STAG1: variants seen among roughly 807,000 people sequenced by gnomAD.
STAG1 encodes the protein STAG1 cohesin complex component, also known as cohesin subunit SA-1.
STAG1 carries 26 observed loss-of-function variants against 170.9 expected under a neutral mutation model. That is an observed-to-expected ratio of 0.15 (90% CI 0.11 to 0.21). The LOEUF (loss-of-function observed/expected upper bound fraction) is 0.21. Ranked by LOEUF, STAG1 falls within the 10% of genes least tolerant of loss-of-function variation. The pLI, the probability that STAG1 is intolerant of heterozygous loss-of-function variation, is 1.00. For synonymous variants in STAG1, 514 were observed against 497.7 expected (o/e 1.03, Z -0.44); for missense variants, 964 against 1,509.5 (o/e 0.64, Z 5.99).
At chr3:136,722,131 G>A (rs1380760184) in intron 1 of STAG1, among the ~76,000 whole-genome samples, 1 of 151,848 alleles carries the variant, frequency 6.6e-6, no homozygotes, top group African/African-American at 2.4e-5. Flanking sequence ...GCTGAGATGG[G>A]AGGATCACCT....
intron 2 of STAG1, among the ~76,000 whole-genome samples, chr3:136,624,946 A>C (rs1940031590): frequency 6.6e-6 from 1 of 152,244 alleles, no homozygotes; most frequent in African/African-American, 2.4e-5. Context: ...TTGAGTATTT[A>C]CTATTTTTAT....
At chr3:136,359,394 T>C (rs1362644597) in intron 26 of STAG1, 98 bp from the exon 27 acceptor site, 2 of 836,794 alleles carry the variant, frequency 2.4e-6, no homozygotes, top group African/African-American at 1.7e-5. Flanking sequence ...AGGTATAAGG[T>C]GAAATGTTTC....
At chr3:136,492,439 G>A (rs531788164) in intron 9 of STAG1, among the ~76,000 whole-genome samples, 10 of 152,304 alleles carry the variant, frequency 6.6e-5, no homozygotes, top group African/African-American at 2.4e-4. Context: ...CAGACTGACA[G>A]AAAATCATAA....
At chr3:136,520,857 T>A (rs1429423758) in intron 7 of STAG1, among the ~76,000 whole-genome samples, 1 of 152,130 alleles carries the variant, frequency 6.6e-6, no homozygotes, top group Non-Finnish European at 1.5e-5. Flanking sequence ...TAAAACAATG[T>A]AATTATGCGA....
intron 7 of STAG1, among the ~76,000 whole-genome samples, chr3:136,514,504 T>C (rs1009967809): frequency 3.3e-5 from 5 of 152,202 alleles, no homozygotes; most frequent in African/African-American, 1.2e-4. Context: ...GACAGTGTGG[T>C]GATTCCCCAG....
chr3:136,740,893 A>G (rs1934633733), intron 1 of STAG1, among the ~76,000 whole-genome samples: 1 of 152,238 alleles, frequency 6.6e-6, no homozygotes, highest in Non-Finnish European at 1.5e-5. Context: ...AGTACAATGA[A>G]GAGATAAAGC....
intron 32 of STAG1, among the ~76,000 whole-genome samples, chr3:136,339,299 C>T (rs371471050): frequency 2.0e-4 from 31 of 152,056 alleles, no homozygotes; most frequent in African/African-American, 5.8e-4. Flanking sequence ...CCCAGGTGGG[C>T]GGATCACGAG....
At chr3:136,660,103 C>A (rs1359916819) in intron 1 of STAG1, among the ~76,000 whole-genome samples, 1 of 152,202 alleles carries the variant, frequency 6.6e-6, no homozygotes, top group East Asian at 1.9e-4. Context: ...ACATACTTCA[C>A]AGATACATGA....
chr3:136,537,501 T>G (rs538437794), intron 6 of STAG1, among the ~76,000 whole-genome samples: 5 of 143,114 alleles, frequency 3.5e-5, no homozygotes, highest in Admixed American at 2.1e-4. Context: ...TTTATTTTTT[T>G]TTTGTTTTTT....
rs986831289 is a variant in STAG1, at chr3:136,338,050, T to C, written c.*204A>G. 5.4e-6 allele frequency: 3 copies of C among 556,714 alleles called. No individual in the cohort carries two copies. Among genetic ancestry groups the C allele is most frequent in the Non-Finnish European group, 9.7e-6 (3 of 310,652 alleles). The allele number at this position is 556,714 out of a possible 1,614,324, so 34.5% of individuals were successfully genotyped here. The stretch of plus-strand genomic sequence containing the variant: ...GACACAAATGATTTTCAGGTCAGTC[T>C]TTCTGAGTTGACATTCACCAACATT... On this transcript the variant is annotated 3_prime_UTR_variant, in exon 34 of 34. Coordinates refer to ENST00000383202, the MANE Select transcript of STAG1 (RefSeq NM_005862.3).
At chr3:136,591,460 C>T (rs1938175727) in intron 4 of STAG1, 1 of 293,244 alleles carries the variant, frequency 3.4e-6, no homozygotes, top group African/African-American at 2.3e-5. Context: ...GTCCCAGCTA[C>T]TCGAGAGGCT....
chr3:136,681,705 C>T (rs2107887454), intron 1 of STAG1, among the ~76,000 whole-genome samples: 1 of 152,148 alleles, frequency 6.6e-6, no homozygotes, highest in South Asian at 2.1e-4. Flanking sequence ...AACCAAATGA[C>T]ATTCATTAAT....
At chr3:136,561,763 G>T (rs1183428072) in intron 5 of STAG1, among the ~76,000 whole-genome samples, 2 of 151,836 alleles carry the variant, frequency 1.3e-5, no homozygotes, top group Non-Finnish European at 2.9e-5. Context: ...TGTCTTGACA[G>T]TGACAATGAC....
At chr3:136,484,234 T>C (rs2089952176) in intron 9 of STAG1, among the ~76,000 whole-genome samples, 1 of 152,038 alleles carries the variant, frequency 6.6e-6, no homozygotes, top group Non-Finnish European at 1.5e-5. Flanking sequence ...TCTTTGATGA[T>C]GGTGATGTAC....
intron 4 of STAG1, among the ~76,000 whole-genome samples, chr3:136,602,380 A>AC (rs1938714613): frequency 6.8e-6 from 1 of 148,058 alleles, no homozygotes; most frequent in Non-Finnish European, 1.5e-5. Flanking sequence ...TCCATCTCAA[A>AC]CAAAAAAAAA....
chr3:136,338,430 T>G lies in STAG1; in HGVS notation c.3693A>C (p.Arg1231=), dbSNP rs1459582906. ...AGTCTGGCCTTAGCTCAGCTCTCTC[T>G]CGCCGATTTCTTGATGGAGGCTGGA... ...VIDLPPSRNR[R]ERAELRPDFF... The change falls in exon 33 of 34, where the codon CGA becomes CGC. Residue 1231 remains arginine (R), a synonymous_variant. Transcript: ENST00000383202. 3 of 1,613,868 alleles carry G rather than the reference T, an allele frequency of 1.9e-6. No individual in the cohort carries two copies. The highest frequency in any genetic ancestry group is 1.7e-5 in the Admixed American group (1 of 59,994).
chr3:136,448,459 A>T (rs2088847524), intron 14 of STAG1, among the ~76,000 whole-genome samples: 3 of 152,196 alleles, frequency 2.0e-5, no homozygotes, highest in Admixed American at 2.0e-4. Context: ...GTGCAGGGGA[A>T]ATCCCATTGA....
chr3:136,636,392 C>CTTTTT, intron 1 of STAG1, among the ~76,000 whole-genome samples: 1 of 152,246 alleles, frequency 6.6e-6, no homozygotes, highest in South Asian at 2.1e-4. Context: ...TGTGAAGCCA[C>CTTTTT]TTTTCAACAG....
At chr3:136,484,032 C>T (rs1447282063) in intron 9 of STAG1, among the ~76,000 whole-genome samples, 1 of 100,798 alleles carries the variant, frequency 9.9e-6, no homozygotes, top group African/African-American at 4.0e-5. Flanking sequence ...GAATGTCCTC[C>T]CGTAGCTCAG....
Sources: gnomAD v4.1 joint callset for allele counts (sites outside exome capture counted in the v4.1 genomes callset) on GRCh38, gnomAD v4.1.1 for gene constraint, MANE v1.5 for transcripts, NCBI Gene and HGNC (gene_info 2026-07-23, HGNC 2026-07-21) for gene names.